Variants in IGF2BP3 observed in about 807,000 individuals in gnomAD.
The protein encoded by IGF2BP3 is insulin like growth factor 2 mRNA binding protein 3.
In IGF2BP3, 9 loss-of-function variants were observed where a neutral mutation model predicts 73.8. The observed-to-expected ratio is 0.12, with a 90% CI of 0.07 to 0.21. The LOEUF is 0.21. Among genes scored for constraint, IGF2BP3 ranks in the 10% least tolerant of loss-of-function variants. The probability of loss-of-function intolerance (pLI) is 1.00; values close to 1 mark genes in which losing one functional copy is unlikely to be tolerated. For synonymous variants in IGF2BP3, 258 were observed against 256.7 expected (o/e 1.01, Z -0.05); for missense variants, 542 against 714.0 (o/e 0.76, Z 2.75).
intron 2 of IGF2BP3, among the ~76,000 whole-genome samples, chr7:23,431,877 G>C (rs1038163544): frequency 2.0e-5 from 3 of 152,102 alleles, no homozygotes; most frequent in Non-Finnish European, 4.4e-5. Flanking sequence ...GGCCACTGTG[G>C]TATAGTTAAC....
intron 3 of IGF2BP3, among the ~76,000 whole-genome samples, chr7:23,398,228 C>T (rs917118174): frequency 1.3e-5 from 2 of 152,162 alleles, no homozygotes; most frequent in Non-Finnish European, 2.9e-5. Flanking sequence ...CATGTTCCTA[C>T]AAAGGACATG....
At chr7:23,436,367 G>C (rs969688774) in intron 2 of IGF2BP3, among the ~76,000 whole-genome samples, 4 of 152,150 alleles carry the variant, frequency 2.6e-5, no homozygotes, top group Non-Finnish European at 4.4e-5. Flanking sequence ...AAATAATTTG[G>C]GGAGGTGTGG....
At position 23,313,562 on chromosome 7, in the gene IGF2BP3, G is replaced by C. The variant is rs1783891608; in HGVS notation, c.1487C>G (p.Ser496Cys). Reference protein sequence around the residue: ...VKLEAHIRVPSFAAGRVIGKG... With the variant: ...VKLEAHIRVPCFAAGRVIGKG... ...TCCAATAACTCTGCCAGCAGCAAAG[G>C]ATGGCACTCTGATATGAGCTTCAAG... Residue 496 changes from serine (S) to cysteine (C), a missense_variant, in exon 13 of 15, where the codon TCC becomes TGC. By Grantham distance (112) the Ser-to-Cys change is moderately radical (BLOSUM62 -1). Coordinates refer to ENST00000258729, the MANE Select transcript of IGF2BP3 (RefSeq NM_006547.3). 6.2e-7 allele frequency: 1 copy of C among 1,613,970 alleles called. No individual in the cohort carries two copies. The highest frequency in any genetic ancestry group is 8.5e-7 in the Non-Finnish European group (1 of 1,180,040).
At chr7:23,432,732 C>T (rs369528451) in intron 2 of IGF2BP3, among the ~76,000 whole-genome samples, 2 of 151,954 alleles carry the variant, frequency 1.3e-5, no homozygotes, top group African/African-American at 4.8e-5. Context: ...CCTCAACCTC[C>T]GAGGTTCATG....
intron 3 of IGF2BP3, among the ~76,000 whole-genome samples, chr7:23,406,370 C>T (rs1256882181): frequency 6.6e-6 from 1 of 152,130 alleles, no homozygotes; most frequent in East Asian, 1.9e-4. Context: ...GAATTGGTTT[C>T]TTCCAGTGGG....
At chr7:23,392,493 T>TACACACATATGCACATATATATAC (rs1454472765) in intron 3 of IGF2BP3, among the ~76,000 whole-genome samples, 8 of 148,878 alleles carry the variant, frequency 5.4e-5, no homozygotes, top group Non-Finnish European at 1.2e-4. Flanking sequence ...TATACACACA[T>TACACACATATGCACATATATATAC]ACACACATAT....
chr7:23,323,752 C>A (rs1292697034), intron 10 of IGF2BP3, among the ~76,000 whole-genome samples: 1 of 152,126 alleles, frequency 6.6e-6, no homozygotes, highest in Non-Finnish European at 1.5e-5. Context: ...AACTAGAACT[C>A]AGGATTAAGA....
intron 10 of IGF2BP3, among the ~76,000 whole-genome samples, chr7:23,333,034 T>C (rs928899564): frequency 1.3e-5 from 2 of 152,230 alleles, no homozygotes; most frequent in African/African-American, 2.4e-5. Flanking sequence ...TATTTTGTCA[T>C]GACTGTGTAA....
At chr7:23,381,304 G>C (rs12700424) in intron 3 of IGF2BP3, among the ~76,000 whole-genome samples, 1 of 152,188 alleles carries the variant, frequency 6.6e-6, no homozygotes, top group East Asian at 1.9e-4. Flanking sequence ...CACATGCCCA[G>C]CGGGACAGGA....
chr7:23,452,467 G>T (rs1021980018), intron 2 of IGF2BP3, among the ~76,000 whole-genome samples: 2 of 152,134 alleles, frequency 1.3e-5, no homozygotes, highest in African/African-American at 4.8e-5. Context: ...ATGCCTCAAA[G>T]TTACAAATAG....
chr7:23,454,404 G>A (rs923465410), intron 2 of IGF2BP3, among the ~76,000 whole-genome samples: 2 of 152,044 alleles, frequency 1.3e-5, no homozygotes, highest in African/African-American at 2.4e-5. Flanking sequence ...CTATGTCTCC[G>A]TATATATGAA....
Position 23,361,725 on chromosome 7 carries a change from AGTAAACT to A in IGF2BP3, c.295_301del (p.Ser99Ter). 1 of 1,613,756 alleles carries A rather than the reference AGTAAACT, an allele frequency of 6.2e-7. No homozygotes were observed. Among genetic ancestry groups the A allele is most frequent in the Non-Finnish European group, 8.5e-7 (1 of 1,179,700 alleles). On this transcript the variant is annotated frameshift_variant, in exon 4 of 15. Coordinates refer to ENST00000258729, the MANE Select transcript of IGF2BP3 (RefSeq NM_006547.3). LOFTEE classifies it high-confidence loss of function. ...GCTCTCCACCACTCCATACTGGACTAGTAAACTATCCAGCACCTATCAGGAGGGGGAG... is the reference window on the plus strand; with the variant it reads ...GCTCTCCACCACTCCATACTGGACTAATCCAGCACCTATCAGGAGGGGGAG...
chr7:23,319,925 T>TG (rs1784089435), intron 10 of IGF2BP3, among the ~76,000 whole-genome samples: 2 of 152,150 alleles, frequency 1.3e-5, no homozygotes, highest in Admixed American at 1.3e-4. Context: ...TTGCTTTTTT[T>TG]TTGAGATGGA....
At chr7:23,312,887 T>A (rs1783870992) in intron 13 of IGF2BP3, 39 bp from the exon 14 acceptor site, 1 of 1,360,548 alleles carries the variant, frequency 7.3e-7, no homozygotes, top group Non-Finnish European at 1.0e-6. Flanking sequence ...AGTGGCAGTT[T>A]TAAAACCTTA....
intron 3 of IGF2BP3, chr7:23,402,287 T>C (rs1297040763): frequency 6.6e-6 from 1 of 152,214 alleles, no homozygotes; most frequent in Non-Finnish European, 1.5e-5. Flanking sequence ...TGCAGAACTT[T>C]TGCACACTTG....
At chr7:23,364,876 A>C (rs1416935396) in intron 3 of IGF2BP3, among the ~76,000 whole-genome samples, 4 of 151,796 alleles carry the variant, frequency 2.6e-5, no homozygotes, top group African/African-American at 7.3e-5. Flanking sequence ...TTTAAAATAT[A>C]GCTTTTAGGA....
At chr7:23,336,711 G>A (rs1234755094) in intron 10 of IGF2BP3, among the ~76,000 whole-genome samples, 1 of 152,154 alleles carries the variant, frequency 6.6e-6, no homozygotes, top group Non-Finnish European at 1.5e-5. Flanking sequence ...ACTTTGGGAG[G>A]CCGAGATGGG....
chr7:23,407,962 G>T (rs1035965609), intron 3 of IGF2BP3, among the ~76,000 whole-genome samples: 9,496 of 45,352 alleles, frequency 0.21, 552 homozygotes, highest in African/African-American at 0.38. Context: ...GCGGGGGGCG[G>T]GGGGGGGGGG....
intron 3 of IGF2BP3, among the ~76,000 whole-genome samples, chr7:23,392,601 T>A (rs1290916025): frequency 6.6e-6 from 1 of 152,052 alleles, no homozygotes. Context: ...CCCTTTTTTC[T>A]GTTTTCTACA....
Sources: gnomAD v4.1 joint callset for allele counts (sites outside exome capture counted in the v4.1 genomes callset) on GRCh38, gnomAD v4.1.1 for gene constraint, MANE v1.5 for transcripts, NCBI Gene and HGNC (gene_info 2026-07-23, HGNC 2026-07-21) for gene names.